The following BTBD10 variants were observed in gnomAD, a reference collection of about 807,000 sequenced individuals.
The protein encoded by BTBD10 is BTB domain containing 10, also known as BTB/POZ domain-containing protein 10.
In BTBD10, 21 loss-of-function variants were observed where a neutral mutation model predicts 53.2. That is an observed-to-expected ratio of 0.39 (90% CI 0.28 to 0.57). The LOEUF (loss-of-function observed/expected upper bound fraction) is 0.57, where lower values mean the gene tolerates loss of function less well. Among genes scored for constraint, BTBD10 ranks in the 20% least tolerant of loss-of-function variants. The pLI, the probability that BTBD10 is intolerant of heterozygous loss-of-function variation, is 0.53. For synonymous variants in BTBD10, 149 were observed against 192.7 expected (o/e 0.77, Z 1.88); for missense variants, 360 against 594.7 (o/e 0.61, Z 4.10).
chr11:13,428,237 A>T lies in BTBD10; in HGVS notation c.102-6399T>A, dbSNP rs192480795. 3.9e-5 allele frequency among the ~76,000 whole-genome samples: 6 copies of T among 152,252 alleles called. No individual in the cohort carries two copies. In the East Asian group the frequency reaches 1.2e-3, roughly 29 times the overall value. On this transcript the variant is annotated intron_variant, in intron 2 of 8. Coordinates refer to ENST00000278174, the MANE Select transcript of BTBD10 (RefSeq NM_032320.7). ...ATGGACAAATTTAAACCTACAAAAA[A>T]GCTCACTTAAGAAAAGGTTGAATAG...
chr11:13,402,399 G>A (rs1949733181), intron 8 of BTBD10, among the ~76,000 whole-genome samples: 1 of 152,088 alleles, frequency 6.6e-6, no homozygotes, highest in Non-Finnish European at 1.5e-5. Context: ...ACCTTATAAA[G>A]TACTCATTAA....
At chr11:13,436,787 T>G (rs1950550026) in intron 2 of BTBD10, among the ~76,000 whole-genome samples, 1 of 136,080 alleles carries the variant, frequency 7.3e-6, no homozygotes, top group South Asian at 2.2e-4. Flanking sequence ...ACAAGATTTC[T>G]CTGTTTTTTT....
rs1949807292 is a variant in BTBD10 at position 13,405,650 on chromosome 11, A to T, written c.1006+9T>A. 1 of 1,612,976 alleles carries T rather than the reference A, an allele frequency of 6.2e-7. No individual in the cohort carries two copies. Among genetic ancestry groups the T allele is most frequent in the South Asian group, 1.1e-5 (1 of 91,038 alleles). ...ATTCAGGGGAGAGAAAACATGCCAG[A>T]GTACGTACTTTGTGAATATTCTTCT... On this transcript the variant is annotated intron_variant, in intron 7 of 8. Transcript: ENST00000278174.
At chr11:13,449,635 G>A (rs544845875) in intron 1 of BTBD10, among the ~76,000 whole-genome samples, 2 of 152,244 alleles carry the variant, frequency 1.3e-5, no homozygotes, top group East Asian at 3.9e-4. Flanking sequence ...CTGACACTGC[G>A]TAGTTTATAA....
chr11:13,454,352 T>C (rs923797769), intron 1 of BTBD10, among the ~76,000 whole-genome samples: 22 of 152,278 alleles, frequency 1.4e-4, no homozygotes, highest in African/African-American at 2.9e-4. Context: ...CCTGAAAACA[T>C]TTTTCAAGCT....
Position 13,448,940 on chromosome 11 carries a change from G to A in BTBD10, c.-57-3759C>T, listed in dbSNP as rs573064473. ...AAAATATGTCACTATTCATTACTAT[G>A]TTTAGGCATGATAGAAATAAATTTA... On this transcript the variant is annotated intron_variant, in intron 1 of 8. Coordinates refer to ENST00000278174, the MANE Select transcript of BTBD10 (RefSeq NM_032320.7). Among the ~76,000 whole-genome samples, 227 of 152,156 alleles carry A rather than the reference G, an allele frequency of 1.5e-3. 1 individual carries two copies. Among genetic ancestry groups the A allele is most frequent in the Admixed American group, 4.0e-3 (61 of 15,272 alleles).
chr11:13,396,769 A>G (rs1178999017), intron 8 of BTBD10, among the ~76,000 whole-genome samples: 1 of 152,176 alleles, frequency 6.6e-6, no homozygotes, highest in African/African-American at 2.4e-5. Context: ...GAATTTTATC[A>G]AAGGCCTTTT....
intron 2 of BTBD10, among the ~76,000 whole-genome samples, chr11:13,443,509 G>T (rs1347866314): frequency 6.6e-6 from 1 of 151,612 alleles, no homozygotes; most frequent in Non-Finnish European, 1.5e-5. Context: ...GAACTAGGAT[G>T]AATACTATAT....
At chr11:13,431,387 T>A (rs1163970308) in intron 2 of BTBD10, among the ~76,000 whole-genome samples, 2 of 152,202 alleles carry the variant, frequency 1.3e-5, no homozygotes, top group Non-Finnish European at 2.9e-5. Context: ...CCCTTAATCA[T>A]GATCCTCTGA....
intron 1 of BTBD10, among the ~76,000 whole-genome samples, chr11:13,455,669 C>T (rs932254866): frequency 6.6e-6 from 1 of 152,084 alleles, no homozygotes; most frequent in Non-Finnish European, 1.5e-5. Context: ...TTGAAGCAAA[C>T]CATCTTGACA....
chr11:13,389,160 T>A lies in BTBD10; in HGVS notation c.1118-19A>T. On this transcript the variant is annotated intron_variant, in intron 8 of 8. Transcript: ENST00000278174. ...GGATAACCTGAAAGAAAGAAAGATT[T>A]TAAAAACTGAGGAGACACACACAGA... The A allele has an allele frequency of 6.3e-7, 1 of 1,580,754 alleles. No individual in the cohort carries two copies. The highest frequency in any genetic ancestry group is 8.6e-7 in the Non-Finnish European group (1 of 1,160,212).
chr11:13,388,927 A>T lies in BTBD10; in HGVS notation c.1332T>A (p.His444Gln). ...DIPQDQLVVM[H>Q]PTPQVDELDI... Reference sequence around the variant, plus strand: ...CCAGCTCATCCACTTGTGGAGTTGGATGCATGACTACCAGCTGGTCCTGGG... The same window carrying T: ...CCAGCTCATCCACTTGTGGAGTTGGTTGCATGACTACCAGCTGGTCCTGGG... Residue 444 changes from histidine to glutamine, a missense_variant, in exon 9 of 9, where the codon CAT becomes CAA. Physicochemically the swap from His to Gln is conservative, Grantham distance 24. Around this residue, in one of 6 missense-constraint regions of BTBD10, gnomAD observed 52 missense variants for 180.4 expected, o/e 0.29. Transcript: ENST00000278174. The T allele has an allele frequency of 6.2e-7, 1 of 1,614,196 alleles. No individual in the cohort carries two copies. The highest frequency in any genetic ancestry group is 8.5e-7 in the Non-Finnish European group (1 of 1,180,034).
chr11:13,454,842 A>G (rs1265389076), intron 1 of BTBD10, among the ~76,000 whole-genome samples: 4 of 152,150 alleles, frequency 2.6e-5, no homozygotes, highest in Non-Finnish European at 5.9e-5. Flanking sequence ...TCTAACAAAC[A>G]GATTTAATAA....
intron 1 of BTBD10, among the ~76,000 whole-genome samples, chr11:13,461,556 C>G (rs1222150379): frequency 6.6e-6 from 1 of 152,058 alleles, no homozygotes; most frequent in African/African-American, 2.4e-5. Flanking sequence ...TATAAAAAGC[C>G]AAAAGCAGAC....
intron 5 of BTBD10, 53 bp from the exon 6 acceptor site, chr11:13,413,703 A>G: frequency 6.6e-6 from 10 of 1,508,216 alleles, no homozygotes; most frequent in Non-Finnish European, 8.0e-6. Flanking sequence ...TAAGGTAGCC[A>G]AAACTTATTA....
chr11:13,407,949 C>A (rs1018233152), intron 6 of BTBD10, among the ~76,000 whole-genome samples: 1 of 152,136 alleles, frequency 6.6e-6, no homozygotes, highest in Non-Finnish European at 1.5e-5. Context: ...TTTGACATTC[C>A]TAGCTGAGTC....
At chr11:13,407,116 TACTC>T (rs987841433) in intron 6 of BTBD10, among the ~76,000 whole-genome samples, 8 of 152,132 alleles carry the variant, frequency 5.3e-5, no homozygotes, top group African/African-American at 1.9e-4. Flanking sequence ...TCTTGAAACA[TACTC>T]ACCCCTAAGA....
At chr11:13,448,235 A>C (rs950205488) in intron 1 of BTBD10, among the ~76,000 whole-genome samples, 1 of 152,114 alleles carries the variant, frequency 6.6e-6, no homozygotes, top group South Asian at 2.1e-4. Flanking sequence ...CATATCCTGT[A>C]TCTCTCTCCC....
Position 13,420,304 on chromosome 11 carries a change from G to C in BTBD10, c.299-559C>G, listed in dbSNP as rs971330393. On this transcript the variant is annotated intron_variant, in intron 3 of 8. Transcript: ENST00000278174. Reference sequence around the variant, plus strand: ...CAAAAAAAGAAAGAAATTCACTAAGGGTAGTAAGAAGTATTTTTTTTTAAT... The same window carrying C: ...CAAAAAAAGAAAGAAATTCACTAAGCGTAGTAAGAAGTATTTTTTTTTAAT... Among the ~76,000 whole-genome samples, 7 of 146,422 alleles carry C rather than the reference G, an allele frequency of 4.8e-5. No homozygotes were observed. The East Asian group carries it at 1.4e-3, about 29-fold the overall frequency.
Sources: allele counts gnomAD v4.1 joint callset (sites outside exome capture counted in the v4.1 genomes callset), GRCh38; gene constraint gnomAD v4.1.1; regional missense constraint gnomAD v4.1.1; transcripts MANE v1.5; gene names NCBI Gene and HGNC (gene_info 2026-07-23, HGNC 2026-07-21).